The following SEPTIN4 variants were observed in gnomAD, a reference collection of about 807,000 sequenced individuals.
SEPTIN4 encodes septin 4.
A neutral mutation model predicts 107.1 loss-of-function variants in SEPTIN4; 52 were observed. That is an observed-to-expected ratio of 0.49 (90% CI 0.39 to 0.61). The LOEUF is 0.61. Among genes scored for constraint, SEPTIN4 ranks in the 20% least tolerant of loss-of-function variants. The probability of loss-of-function intolerance (pLI) is 0.00; values close to 1 mark genes in which losing one functional copy is unlikely to be tolerated. For synonymous variants in SEPTIN4, 417 were observed against 467.0 expected, an observed-to-expected ratio of 0.89 and a Z score of 1.38; for missense variants, 1,048 against 1,243.5, an observed-to-expected ratio of 0.84 and a Z score of 2.36.
intron 3 of SEPTIN4, among the ~76,000 whole-genome samples, chr17:58,535,289 AAG>A (rs1324820266): frequency 1.3e-5 from 2 of 152,214 alleles, no homozygotes. Flanking sequence ...AATGGCTGCA[AAG>A]AGGGGCAGTT....
intron 3 of SEPTIN4, chr17:58,529,215 A>G: frequency 1.2e-6 from 2 of 1,614,114 alleles, no homozygotes; most frequent in Non-Finnish European, 1.7e-6. Flanking sequence ...CTCTAGGTCT[A>G]ATTTTATCTC....
chr17:58,540,688 T>C lies in SEPTIN4; in HGVS notation c.1607-15A>G. The C allele has an allele frequency of 7.4e-7, 1 of 1,346,224 alleles. No individual in the cohort carries two copies. Among genetic ancestry groups the C allele is most frequent in the Non-Finnish European group, 9.5e-7 (1 of 1,053,024 alleles). 83.4% of individuals were successfully genotyped at this position (1,346,224 alleles called of 1,614,324 possible). The stretch of plus-strand genomic sequence containing the variant: ...TACCTCCTCATCTGTCATAACAGAG[T>C]AGAAGCCAGGCATTCCCAGGGGGCA... On this transcript the variant is annotated splice_polypyrimidine_tract_variant and intron_variant, in intron 2 of 13. Transcript: ENST00000672673.
At position 58,543,402 on chromosome 17, in the gene SEPTIN4, G is replaced by C. The variant is rs2043937514; in HGVS notation, c.785C>G (p.Ala262Gly). 6.2e-7 allele frequency: 1 copy of C among 1,613,988 alleles called. No homozygotes were observed. ...GTCCAAGTTCATATTCCTATACAAG[G>C]CCTTGGGTTTTGAAGGAATTGGACC... ...PYGPIPSKPK[A>G]LYRNMNLDSL... Residue 262 changes from alanine to glycine, a missense_variant, in exon 1 of 14, where the codon GCC becomes GGC. Ala to Gly is a moderately conservative substitution (Grantham distance 60). Transcript: ENST00000672673.
Position 58,525,791 on chromosome 17 carries a change from G to C in SEPTIN4, c.2006-10C>G. Reference sequence around the variant, plus strand: ...CCCAGGCCAGACTCTCCTGAGAGGAGAGAGGACAGAGGCACCAAATCAGAA... The same window carrying C: ...CCCAGGCCAGACTCTCCTGAGAGGACAGAGGACAGAGGCACCAAATCAGAA... On this transcript the variant is annotated splice_polypyrimidine_tract_variant and intron_variant, in intron 5 of 13. Coordinates refer to ENST00000672673, the MANE Select transcript of SEPTIN4 (RefSeq NM_001368771.2). The C allele has an allele frequency of 6.2e-7, 1 of 1,609,692 alleles. No individual in the cohort carries two copies. The highest frequency in any genetic ancestry group is 8.5e-7 in the Non-Finnish European group (1 of 1,176,024).
intron 3 of SEPTIN4, among the ~76,000 whole-genome samples, chr17:58,536,575 T>C (rs1206119065): frequency 6.6e-6 from 1 of 152,182 alleles, no homozygotes; most frequent in African/African-American, 2.4e-5. Flanking sequence ...AAACAGCCAC[T>C]GTGGAGACCT....
intron 3 of SEPTIN4, among the ~76,000 whole-genome samples, chr17:58,536,301 C>A (rs1002630467): frequency 6.6e-6 from 1 of 152,184 alleles, no homozygotes; most frequent in Non-Finnish European, 1.5e-5. Context: ...TAGCTATTAT[C>A]TCCATTAATA....
intron 4 of SEPTIN4, 50 bp from the exon 5 acceptor site, chr17:58,526,363 C>T: frequency 6.8e-7 from 1 of 1,460,464 alleles, no homozygotes; most frequent in Non-Finnish European, 9.1e-7. Context: ...CAAAGGGGCC[C>T]CGGCACCCAG....
chr17:58,525,872 C>T, intron 5 of SEPTIN4, 91 bp from the exon 6 acceptor site: 1 of 1,104,468 alleles, frequency 9.1e-7, no homozygotes, highest in Non-Finnish European at 1.3e-6. Context: ...GGGGGGACTG[C>T]TTTCTTATCT....
intron 13 of SEPTIN4, 101 bp from the exon 14 acceptor site, chr17:58,520,586 C>T (rs1303791856): frequency 2.0e-6 from 3 of 1,535,472 alleles, no homozygotes; most frequent in Non-Finnish European, 2.7e-6. Flanking sequence ...ACCTTGGTAG[C>T]CGTGAGGTGT....
intron 1 of SEPTIN4, 114 bp from the exon 2 acceptor site, chr17:58,542,080 C>CA (rs35879249): frequency 0.19 from 240,862 of 1,239,540 alleles, 26,251 homozygotes; most frequent in South Asian, 0.31. Flanking sequence ...AAGGTGCCCT[C>CA]AGCCCTTGGT....
In SEPTIN4 at chr17:58,538,794, T is replaced by TA. The variant is rs2043798901; in HGVS notation, c.1614+1871dup. On this transcript the variant is annotated intron_variant, in intron 3 of 13. Coordinates refer to ENST00000672673, the MANE Select transcript of SEPTIN4 (RefSeq NM_001368771.2). This position sits in a 1 kb window ranked among gnomAD's most constrained non-coding sequence, Gnocchi z 4.7. Reference sequence around the variant, plus strand: ...GGCCATTTGGGAAGGGACTGACACTTAAAGAGATGGGCTGAATCAGGCCCC... The same window carrying TA: ...GGCCATTTGGGAAGGGACTGACACTTAAAAGAGATGGGCTGAATCAGGCCCC... Among the ~76,000 whole-genome samples, 1 of 152,150 alleles carries TA rather than the reference T, an allele frequency of 6.6e-6. No homozygotes were observed. The highest frequency in any genetic ancestry group is 1.5e-5 in the Non-Finnish European group (1 of 68,010).
At chr17:58,524,082 AACTC>A (rs1598265743) in intron 7 of SEPTIN4, among the ~76,000 whole-genome samples, 1 of 152,300 alleles carries the variant, frequency 6.6e-6, no homozygotes, top group East Asian at 1.9e-4. Flanking sequence ...TCAAGATTTG[AACTC>A]TCTGTCTAGG....
chr17:58,534,652 A>T (rs1322652764), intron 3 of SEPTIN4, among the ~76,000 whole-genome samples: 1 of 151,894 alleles, frequency 6.6e-6, no homozygotes, highest in African/African-American at 2.4e-5. Context: ...CTACAGTACA[A>T]CTCCCCAGGC....
At chr17:58,533,569 G>C (rs912618733) in intron 3 of SEPTIN4, among the ~76,000 whole-genome samples, 4 of 151,914 alleles carry the variant, frequency 2.6e-5, no homozygotes, top group East Asian at 1.9e-4. Flanking sequence ...CTGAGTGAAG[G>C]GGGAGGACGT....
intron 6 of SEPTIN4, chr17:58,525,429 C>T: frequency 1.6e-6 from 1 of 625,972 alleles, no homozygotes; most frequent in African/African-American, 1.8e-5. Context: ...TTCTCTGCTC[C>T]CGGTTTTTTT....
chr17:58,525,857 G>A lies in SEPTIN4; in HGVS notation c.2006-76C>T, dbSNP rs912835540. On this transcript the variant is annotated intron_variant, in intron 5 of 13. Coordinates refer to ENST00000672673, the MANE Select transcript of SEPTIN4 (RefSeq NM_001368771.2). The stretch of plus-strand genomic sequence containing the variant: ...CAAAAAGCAACTCCACTGGATCAAG[G>A]TTTAGGGGGGACTGCTTTCTTATCT... 11 of 1,234,246 alleles carry A rather than the reference G, an allele frequency of 8.9e-6. No homozygotes were observed. The African/African-American group carries it at 1.3e-4, about 15-fold the overall frequency. The allele number at this position is 1,234,246 out of a possible 1,614,324, so 76.5% of individuals were successfully genotyped here.
Position 58,526,178 on chromosome 17 carries a change from C to T in SEPTIN4, c.2005+42G>A, listed in dbSNP as rs371979139. The T allele has an allele frequency of 1.6e-5, 25 of 1,538,140 alleles. No individual in the cohort carries two copies. The African/African-American group carries it at 3.2e-4, about 20-fold the overall frequency. ...TCACGGACACACACACCATCCCCAC[C>T]TGAAACACACCCTGCCCAACCCAGC... On this transcript the variant is annotated intron_variant, in intron 5 of 13. Coordinates refer to ENST00000672673, the MANE Select transcript of SEPTIN4 (RefSeq NM_001368771.2).
chr17:58,527,970 A>G lies in SEPTIN4; in HGVS notation c.1615-992T>C, dbSNP rs190322969. 4.6e-5 allele frequency: 45 copies of G among 985,436 alleles called. No individual in the cohort carries two copies. In the East Asian group the frequency reaches 2.8e-3, roughly 62 times the overall value. The allele number at this position is 985,436 out of a possible 1,614,324, so 61.0% of individuals were successfully genotyped here. On this transcript the variant is annotated intron_variant, in intron 3 of 13. Coordinates refer to ENST00000672673, the MANE Select transcript of SEPTIN4 (RefSeq NM_001368771.2). ...CTCAGAAGAGGAACTGTTTCCCCCA[A>G]CTCTCATTGTCAGCTCTAGACCCTA...
At chr17:58,532,075 G>C in intron 3 of SEPTIN4, 1 of 1,097,636 alleles carries the variant, frequency 9.1e-7, no homozygotes, top group Non-Finnish European at 1.1e-6. Context: ...CCCCGAGTGC[G>C]GACCGCTGCG....
Sources: gnomAD v4.1 joint callset for allele counts (sites outside exome capture counted in the v4.1 genomes callset) on GRCh38, gnomAD v4.1.1 for gene constraint, Gnocchi (gnomAD v3.1) non-coding constraint, MANE v1.5 for transcripts, NCBI Gene and HGNC (gene_info 2026-07-23, HGNC 2026-07-21) for gene names.